JMJD1C: variants seen among roughly 807,000 people sequenced by gnomAD.
The protein encoded by JMJD1C is jumonji domain-containing protein 1C.
Under a neutral mutation model 245.3 loss-of-function variants are expected in JMJD1C, and 31 were observed. That is an observed-to-expected ratio of 0.13 (90% CI 0.09 to 0.17). The LOEUF is 0.17. Among genes scored for constraint, JMJD1C ranks in the 10% least tolerant of loss-of-function variants. The pLI is 1.00. For synonymous variants in JMJD1C, 1,057 were observed against 1,017.4 expected (o/e 1.04, Z -0.74); for missense variants, 2,691 against 3,000.2 (o/e 0.90, Z 2.41).
Position 63,243,103 on chromosome 10 carries a change from TTATATA to T in JMJD1C, c.447+21542_447+21547del, listed in dbSNP as rs10607355. Reference sequence around the variant, plus strand: ...AAGAGCCAAAATACACTAACATAAATTATATATATATATATATATATAAATATATAT... The same window carrying T: ...AAGAGCCAAAATACACTAACATAAATTATATATATATATATAAATATATAT... On this transcript the variant is annotated intron_variant, in intron 3 of 25. Coordinates refer to ENST00000399262, the MANE Select transcript of JMJD1C (RefSeq NM_032776.3). Among the ~76,000 whole-genome samples, 777 of 120,118 alleles carry T rather than the reference TTATATA, an allele frequency of 6.5e-3. 23 individuals carry two copies. Among genetic ancestry groups the T allele is most frequent in the African/African-American group, 0.023 (744 of 32,674 alleles). The allele number at this position is 120,118 out of a possible 152,430, so 78.8% of individuals were successfully genotyped here. A position where few individuals can be genotyped will look rare whatever the true frequency, so the allele number is the denominator to read the frequency against.
intron 1 of JMJD1C, among the ~76,000 whole-genome samples, chr10:63,438,425 T>C (rs1387662890): frequency 6.6e-6 from 1 of 152,120 alleles, no homozygotes; most frequent in African/African-American, 2.4e-5. Context: ...TCGTTACAAT[T>C]GCCTCCTAAC....
intron 1 of JMJD1C, among the ~76,000 whole-genome samples, chr10:63,401,265 G>A (rs1212393323): frequency 6.6e-6 from 1 of 152,148 alleles, no homozygotes; most frequent in Non-Finnish European, 1.5e-5. Context: ...TCCAGTTGAA[G>A]ATGCACTGGC....
At chr10:63,198,368 C>G (rs1354947423) in intron 12 of JMJD1C, 145 bp downstream of exon 12, 1 of 576,880 alleles carries the variant, frequency 1.7e-6, no homozygotes, top group Non-Finnish European at 3.0e-6. Flanking sequence ...TATCTGTAAC[C>G]TTAAATACAT....
At chr10:63,499,819 AAAG>A (rs1233335049) in intron 1 of JMJD1C, among the ~76,000 whole-genome samples, 2 of 152,246 alleles carry the variant, frequency 1.3e-5, no homozygotes, top group African/African-American at 4.8e-5. Context: ...ACACAATATC[AAAG>A]AAGACGTTAA....
intron 1 of JMJD1C, among the ~76,000 whole-genome samples, chr10:63,518,532 CTG>C (rs2133308486): frequency 6.6e-6 from 1 of 152,304 alleles, no homozygotes; most frequent in African/African-American, 2.4e-5. Context: ...TTTTCCAAAA[CTG>C]TAAACAATTC....
intron 2 of JMJD1C, among the ~76,000 whole-genome samples, chr10:63,340,407 T>C (rs1027475523): frequency 2.0e-5 from 3 of 152,122 alleles, no homozygotes; most frequent in African/African-American, 7.2e-5. Context: ...TTGCTCACTG[T>C]GTGTGTGTGG....
chr10:63,281,296 G>A (rs370719414), intron 2 of JMJD1C, among the ~76,000 whole-genome samples: 1 of 133,792 alleles, frequency 7.5e-6, no homozygotes, highest in South Asian at 2.6e-4. Flanking sequence ...CACCATGCCC[G>A]GCTAATTTTT....
At chr10:63,464,002 C>A (rs1952991035) in intron 1 of JMJD1C, among the ~76,000 whole-genome samples, 1 of 151,600 alleles carries the variant, frequency 6.6e-6, no homozygotes. Context: ...TCCTTTTTTA[C>A]AGATGAGGGG....
rs574739524 is a variant in JMJD1C at position 63,277,866 on chromosome 10, AG to A, written c.334-13103del. Among the ~76,000 whole-genome samples, 42 of 148,852 alleles carry A rather than the reference AG, an allele frequency of 2.8e-4. No homozygotes were observed. The South Asian group carries it at 8.8e-3, about 31-fold the overall frequency. On this transcript the variant is annotated intron_variant, in intron 2 of 25. Coordinates refer to ENST00000399262, the MANE Select transcript of JMJD1C (RefSeq NM_032776.3). ...ATTCTCCTGCCTCAGCCTCCCGAGT[AG>A]CTGGGATTACAGGTGTGCGCCACCA...
At chr10:63,483,079 T>C (rs150673337) in intron 1 of JMJD1C, among the ~76,000 whole-genome samples, 1 of 152,168 alleles carries the variant, frequency 6.6e-6, no homozygotes, top group Non-Finnish European at 1.5e-5. Flanking sequence ...AACTATAAAA[T>C]CTAATGTAAA....
rs1449866057 is a variant in JMJD1C at position 63,194,323 on chromosome 10, G to C, written c.5697C>G (p.His1899Gln). 1 of 1,613,178 alleles carries C rather than the reference G, an allele frequency of 6.2e-7. No homozygotes were observed. Among genetic ancestry groups the C allele is most frequent in the African/African-American group, 1.3e-5 (1 of 75,010 alleles). The change falls in exon 14 of 26, where the codon CAC becomes CAG. Residue 1899 changes from histidine to glutamine, a missense_variant. By Grantham distance (24) the His-to-Gln change is conservative (BLOSUM62 0). Coordinates refer to ENST00000399262, the MANE Select transcript of JMJD1C (RefSeq NM_032776.3). ...TAATTTGGGTTGGCATTAAATGTTT[G>C]TGATCATGAGGCTGTCCCTTCACAC... ...MKCVKGQPHDHKHLMPTQIIP... is the reference protein window; with the variant it reads ...MKCVKGQPHDQKHLMPTQIIP...
chr10:63,465,969 G>T lies in JMJD1C; in HGVS notation c.-307C>A. The T allele has an allele frequency of 2.0e-6, 1 of 488,006 alleles. No homozygotes were observed. The highest frequency in any genetic ancestry group is 2.0e-5 in the South Asian group (1 of 50,868). The allele number at this position is 488,006 out of a possible 1,614,324, so 30.2% of individuals were successfully genotyped here. On this transcript the variant is annotated 5_prime_UTR_variant, in exon 1 of 26. Coordinates refer to ENST00000399262, the MANE Select transcript of JMJD1C (RefSeq NM_032776.3). Reference sequence around the variant, plus strand: ...GCCCAGCCGCCGCCACCGCGCCGCGGCCAGTACTGCTCCGTCTCCCTCCCC... The same window carrying T: ...GCCCAGCCGCCGCCACCGCGCCGCGTCCAGTACTGCTCCGTCTCCCTCCCC...
chr10:63,486,292 A>C lies in JMJD1C; in HGVS notation n.113+35446T>G, dbSNP rs138761528. ...GGCAGGGGAGATTGGGAGACAGAAG[A>C]AGCATGGATAGAGCGAGTGCTGAGA... On this transcript the variant is annotated intron_variant and non_coding_transcript_variant, in intron 1 of 3. Coordinates refer to the JMJD1C transcript ENST00000633035. 2.1e-4 allele frequency among the ~76,000 whole-genome samples: 32 copies of C among 152,184 alleles called. No individual in the cohort carries two copies. In the East Asian group the frequency reaches 3.3e-3, roughly 16 times the overall value.
At chr10:63,311,016 T>C (rs896023325) in intron 2 of JMJD1C, among the ~76,000 whole-genome samples, 1 of 152,010 alleles carries the variant, frequency 6.6e-6, no homozygotes, top group African/African-American at 2.4e-5. Context: ...TGGGAAAATA[T>C]ATGAAGAAAA....
chr10:63,261,512 C>T (rs572373054), intron 3 of JMJD1C, among the ~76,000 whole-genome samples: 38 of 151,752 alleles, frequency 2.5e-4, no homozygotes, highest in African/African-American at 7.5e-4. Context: ...AACCGGGAGG[C>T]GGAGGTTGCA....
At chr10:63,386,206 G>A (rs1947578170) in intron 1 of JMJD1C, among the ~76,000 whole-genome samples, 1 of 152,096 alleles carries the variant, frequency 6.6e-6, no homozygotes, top group South Asian at 2.1e-4. Flanking sequence ...GGGGTAACTA[G>A]GCATTTTCAT....
intron 13 of JMJD1C, among the ~76,000 whole-genome samples, chr10:63,195,870 A>C (rs1030367028): frequency 2.6e-5 from 4 of 152,190 alleles, no homozygotes; most frequent in South Asian, 4.1e-4. Flanking sequence ...TGGAGGTTGC[A>C]GTGAGCCGAG....
At position 63,207,675 on chromosome 10, in the gene JMJD1C, T is replaced by C. The variant is rs778788987; in HGVS notation, c.3994A>G (p.Arg1332Gly). Residue 1332 changes from arginine to glycine, a missense_variant, in exon 10 of 26, where the codon AGA becomes GGA. Arg to Gly is a moderately radical substitution (Grantham distance 125). Around this residue, in one of 9 missense-constraint regions of JMJD1C, gnomAD observed 1,562 missense variants for 1,490.7 expected, o/e 1.05. Transcript: ENST00000399262. Reference sequence around the variant, plus strand: ...GTTTTATGTGCCCCAGCTGAAGATCTTTCACTAACACGATCTTTAGAAGCT... The same window carrying C: ...GTTTTATGTGCCCCAGCTGAAGATCCTTCACTAACACGATCTTTAGAAGCT... ...QLASKDRVSERSSAGAHKTDC... is the reference protein window; with the variant it reads ...QLASKDRVSEGSSAGAHKTDC... 1 of 1,614,172 alleles carries C rather than the reference T, an allele frequency of 6.2e-7. No individual in the cohort carries two copies. The highest frequency in any genetic ancestry group is 1.7e-5 in the Admixed American group (1 of 60,022).
intron 1 of JMJD1C, among the ~76,000 whole-genome samples, chr10:63,420,380 A>G (rs942436959): frequency 6.6e-6 from 1 of 151,984 alleles, no homozygotes; most frequent in Admixed American, 6.6e-5. Context: ...AAAGGCTCAA[A>G]TGGGTCTTTA....
Sources: gnomAD v4.1 joint callset for allele counts (sites outside exome capture counted in the v4.1 genomes callset) on GRCh38, gnomAD v4.1.1 for gene constraint, gnomAD v4.1.1 regional missense constraint, MANE v1.5 for transcripts, NCBI Gene and HGNC (gene_info 2026-07-23, HGNC 2026-07-21) for gene names.